SNTG1: variants seen among roughly 807,000 people sequenced by gnomAD.
SNTG1 encodes the protein syntrophin gamma 1.
In SNTG1, 39 loss-of-function variants were observed where a neutral mutation model predicts 74.7. The observed-to-expected ratio is 0.52, with a 90% CI of 0.40 to 0.68. The LOEUF is 0.68. Among genes scored for constraint, SNTG1 ranks in the 30% least tolerant of loss-of-function variants. The probability of loss-of-function intolerance (pLI) is 0.00; values close to 1 mark genes in which losing one functional copy is unlikely to be tolerated. For missense variants in SNTG1, 685 were observed against 609.5 expected (o/e 1.12, Z -1.30); for synonymous variants, 254 against 217.1 (o/e 1.17, Z -1.49).
intron 2 of SNTG1, among the ~76,000 whole-genome samples, chr8:50,268,820 C>G (rs2130243938): frequency 6.6e-6 from 1 of 152,038 alleles, no homozygotes. Flanking sequence ...CCACACCCAG[C>G]TAATTTTTTT....
intron 1 of SNTG1, among the ~76,000 whole-genome samples, chr8:50,012,349 C>A (rs1354549886): frequency 1.3e-5 from 2 of 152,040 alleles, no homozygotes; most frequent in South Asian, 4.1e-4. Context: ...AAATGTGGTC[C>A]TGCTGCAATA....
At chr8:50,380,333 C>G (rs547846898) in intron 2 of SNTG1, among the ~76,000 whole-genome samples, 1 of 152,192 alleles carries the variant, frequency 6.6e-6, no homozygotes, top group East Asian at 1.9e-4. Context: ...AAGGCATAAC[C>G]TGAAGATGTG....
At chr8:50,127,556 G>A (rs1342839265) in intron 1 of SNTG1, among the ~76,000 whole-genome samples, 1 of 152,112 alleles carries the variant, frequency 6.6e-6, no homozygotes, top group Non-Finnish European at 1.5e-5. Flanking sequence ...AGAGCCAACT[G>A]CCTCAAGGCC....
At chr8:50,484,102 C>CTCTTTCTTTCTTTCTTTCTT (rs775691106) in intron 8 of SNTG1, among the ~76,000 whole-genome samples, 1,865 of 110,790 alleles carry the variant, frequency 0.017, 78 homozygotes, top group East Asian at 0.023. Flanking sequence ...CTTTCTTTCT[C>CTCTTTCTTTCTTTCTTTCTT]TCTTTCTTTC....
chr8:50,079,538 C>G (rs549774982), intron 1 of SNTG1, among the ~76,000 whole-genome samples: 1 of 151,802 alleles, frequency 6.6e-6, no homozygotes. Flanking sequence ...ATGCTAGTTT[C>G]TTTTGCTGAG....
intron 2 of SNTG1, among the ~76,000 whole-genome samples, chr8:50,283,936 T>G (rs190273825): frequency 6.6e-6 from 1 of 152,288 alleles, no homozygotes; most frequent in African/African-American, 2.4e-5. Flanking sequence ...TATATGAATA[T>G]GGTGCACTTG....
At chr8:49,963,620 A>G (rs894691404) in intron 1 of SNTG1, among the ~76,000 whole-genome samples, 20 of 152,186 alleles carry the variant, frequency 1.3e-4, no homozygotes, top group Middle Eastern at 6.8e-3. Flanking sequence ...GCTCCTCTCC[A>G]TTCTGTCAGC....
chr8:50,237,606 T>C (rs1275557638), intron 2 of SNTG1, among the ~76,000 whole-genome samples: 1 of 152,174 alleles, frequency 6.6e-6, no homozygotes, highest in African/African-American at 2.4e-5. Flanking sequence ...TAATGATTTT[T>C]TTCCTGAACT....
intron 1 of SNTG1, 101 bp downstream of exon 1, chr8:49,912,332 C>A (rs926640954): frequency 2.0e-5 from 3 of 152,068 alleles, no homozygotes; most frequent in Admixed American, 2.0e-4. Flanking sequence ...CTGGGGTTAA[C>A]GAGGAGACAA....
At chr8:50,126,106 G>T (rs2081130011) in intron 1 of SNTG1, among the ~76,000 whole-genome samples, 2 of 152,116 alleles carry the variant, frequency 1.3e-5, no homozygotes, top group South Asian at 2.1e-4. Flanking sequence ...ACAAGTGGCC[G>T]CACACTGAGA....
chr8:50,344,730 A>C (rs1460877801), intron 2 of SNTG1, among the ~76,000 whole-genome samples: 3 of 152,176 alleles, frequency 2.0e-5, no homozygotes, highest in African/African-American at 7.2e-5. Flanking sequence ...AAGGCTTCTC[A>C]CATTGGAATT....
At chr8:50,585,844 A>G (rs1448036494) in intron 12 of SNTG1, among the ~76,000 whole-genome samples, 2 of 152,160 alleles carry the variant, frequency 1.3e-5, no homozygotes, top group Admixed American at 1.3e-4. Flanking sequence ...TGTTATAATT[A>G]AAAAGTAAGT....
chr8:50,319,363 C>G (rs920590979), intron 2 of SNTG1, among the ~76,000 whole-genome samples: 1 of 108,678 alleles, frequency 9.2e-6, no homozygotes, highest in Non-Finnish European at 2.1e-5. Flanking sequence ...GACTCCTTCT[C>G]AAAAATAAAT....
At chr8:50,716,979 G>A (rs542765271) in intron 17 of SNTG1, among the ~76,000 whole-genome samples, 20 of 151,978 alleles carry the variant, frequency 1.3e-4, no homozygotes, top group East Asian at 1.9e-4. Flanking sequence ...CTCGTGATCC[G>A]CCTGCCTCAG....
chr8:50,100,570 A>T (rs986914831), intron 1 of SNTG1, among the ~76,000 whole-genome samples: 2 of 152,096 alleles, frequency 1.3e-5, no homozygotes, highest in Non-Finnish European at 2.9e-5. Flanking sequence ...TTAAAAAAGG[A>T]CATATTCCTT....
chr8:50,230,416 T>C (rs1309798395), intron 2 of SNTG1, among the ~76,000 whole-genome samples: 1 of 151,324 alleles, frequency 6.6e-6, no homozygotes, highest in Non-Finnish European at 1.5e-5. Flanking sequence ...AAGGGAGTAA[T>C]ACTATATGTA....
At chr8:50,380,391 AAG>A (rs1032680967) in intron 2 of SNTG1, among the ~76,000 whole-genome samples, 4 of 152,168 alleles carry the variant, frequency 2.6e-5, no homozygotes, top group African/African-American at 7.2e-5. Context: ...GGGACACACA[AAG>A]AGATAGGAGA....
At chr8:50,391,875 A>T (rs2092666718) in intron 2 of SNTG1, among the ~76,000 whole-genome samples, 1 of 152,150 alleles carries the variant, frequency 6.6e-6, no homozygotes, top group African/African-American at 2.4e-5. Context: ...CCACACTATA[A>T]TAGTTAAAAA....
chr8:50,128,990 T>A (rs2081231288), intron 1 of SNTG1, among the ~76,000 whole-genome samples: 2 of 152,218 alleles, frequency 1.3e-5, no homozygotes, highest in Admixed American at 1.3e-4. Context: ...CCAGCATGAC[T>A]TAGAATTGAC....
Sources: gnomAD v4.1 joint callset for allele counts (sites outside exome capture counted in the v4.1 genomes callset) on GRCh38, gnomAD v4.1.1 for gene constraint, MANE v1.5 for transcripts, NCBI Gene and HGNC (gene_info 2026-07-23, HGNC 2026-07-21) for gene names.